ELF1: variants seen among roughly 807,000 people sequenced by gnomAD.
ELF1 encodes ETS-related transcription factor Elf-1.
ELF1 carries 24 observed loss-of-function variants against 59.9 expected under a neutral mutation model. The observed-to-expected ratio is 0.40, with a 90% CI of 0.29 to 0.56. The LOEUF (loss-of-function observed/expected upper bound fraction) is 0.56. ELF1 is among the 20% of genes least tolerant of loss of function. The pLI is 0.44. For missense variants in ELF1, 627 were observed against 742.2 expected (o/e 0.84, Z 1.80); for synonymous variants, 248 against 266.2 (o/e 0.93, Z 0.67).
At chr13:41,028,063 C>A (rs1302906393) in intron 1 of ELF1, among the ~76,000 whole-genome samples, 1 of 152,132 alleles carries the variant, frequency 6.6e-6, no homozygotes, top group East Asian at 1.9e-4. Context: ...TACCCACAAG[C>A]AAAATTTTTA....
intron 1 of ELF1, among the ~76,000 whole-genome samples, chr13:41,037,367 T>C (rs1876423432): frequency 6.6e-6 from 1 of 152,166 alleles, no homozygotes; most frequent in South Asian, 2.1e-4. Flanking sequence ...ATACATTTGG[T>C]CAAAAATTAC....
intron 2 of ELF1, among the ~76,000 whole-genome samples, chr13:40,959,382 G>A (rs978954786): frequency 6.6e-6 from 1 of 152,098 alleles, no homozygotes; most frequent in Non-Finnish European, 1.5e-5. Context: ...TGTAGTCTCA[G>A]CTACTAGGGA....
intron 1 of ELF1, among the ~76,000 whole-genome samples, chr13:41,037,358 T>C (rs1011224858): frequency 2.6e-5 from 4 of 152,198 alleles, no homozygotes; most frequent in South Asian, 4.1e-4. Context: ...CTGTGATACA[T>C]ACATTTGGTC....
At chr13:41,037,379 A>G (rs1482460208) in intron 1 of ELF1, among the ~76,000 whole-genome samples, 1 of 152,212 alleles carries the variant, frequency 6.6e-6, no homozygotes, top group Admixed American at 6.5e-5. Context: ...AAAAATTACA[A>G]CTTGCCTGTG....
At chr13:41,040,662 T>C (rs1876569568) in intron 1 of ELF1, among the ~76,000 whole-genome samples, 1 of 152,182 alleles carries the variant, frequency 6.6e-6, no homozygotes, top group Admixed American at 6.5e-5. Context: ...GAGAATCTAA[T>C]GCTGCTGCTG....
At position 40,949,841 on chromosome 13, in the gene ELF1, C is replaced by T. The variant is rs777331703; in HGVS notation, c.494G>A (p.Gly165Glu). Residue 165 changes from glycine to glutamate, a missense_variant, in exon 5 of 9, where the codon GGA becomes GAA. Transcript: ENST00000239882. Reference protein sequence around the residue: ...QVQEKYADSPGASSPEQPKRK... With the variant: ...QVQEKYADSPEASSPEQPKRK... ...CTTAGGCTGTTCTGGTGATGAGGCT[C>T]CCGGTGAGTCTGCATATTTTTCTTG... The T allele has an allele frequency of 5.0e-6, 8 of 1,614,112 alleles. No homozygotes were observed. Among genetic ancestry groups the T allele is most frequent in the East Asian group, 2.2e-5 (1 of 44,888 alleles).
intron 1 of ELF1, among the ~76,000 whole-genome samples, chr13:41,041,938 A>G (rs535396282): frequency 1.8e-3 from 270 of 152,378 alleles, no homozygotes; most frequent in African/African-American, 6.1e-3. Flanking sequence ...TGGGAAGGTC[A>G]TATTTGTATT....
chr13:40,944,586 C>T lies in ELF1; in HGVS notation c.530-661G>A, dbSNP rs557235863. Reference sequence around the variant, plus strand: ...ACCATCAATGTCTAAATAAGTCCATCCCAATAGCCTCAGAGTGGGGTCGAT... The same window carrying T: ...ACCATCAATGTCTAAATAAGTCCATTCCAATAGCCTCAGAGTGGGGTCGAT... On this transcript the variant is annotated intron_variant, in intron 5 of 8. Coordinates refer to ENST00000239882, the MANE Select transcript of ELF1 (RefSeq NM_172373.4). 4.6e-5 allele frequency among the ~76,000 whole-genome samples: 7 copies of T among 152,326 alleles called. 1 individual carries two copies. In the South Asian group the frequency reaches 1.4e-3, roughly 32 times the overall value.
chr13:41,051,396 G>A (rs1175629024), intron 1 of ELF1, among the ~76,000 whole-genome samples: 2 of 151,834 alleles, frequency 1.3e-5, no homozygotes, highest in African/African-American at 2.4e-5. Flanking sequence ...TTTGCCTGTG[G>A]CTGTACCCTT....
chr13:41,011,125 T>C (rs143823796), intron 1 of ELF1, among the ~76,000 whole-genome samples: 1 of 152,332 alleles, frequency 6.6e-6, no homozygotes, highest in East Asian at 1.9e-4. Context: ...ACACTGAATA[T>C]ACCAGTAAAT....
intron 1 of ELF1, among the ~76,000 whole-genome samples, chr13:40,987,599 A>AG (rs1442985008): frequency 2.1e-4 from 29 of 137,574 alleles, no homozygotes; most frequent in Non-Finnish European, 3.7e-4. Flanking sequence ...AAAAAAAAAA[A>AG]AAAAAGAAAG....
At chr13:40,986,072 T>C (rs757279331) in intron 1 of ELF1, among the ~76,000 whole-genome samples, 2 of 152,228 alleles carry the variant, frequency 1.3e-5, no homozygotes, top group Non-Finnish European at 2.9e-5. Context: ...GACCATATTC[T>C]TATTCTCCAA....
chr13:41,028,331 G>A (rs1161632737), intron 1 of ELF1, among the ~76,000 whole-genome samples: 1 of 152,178 alleles, frequency 6.6e-6, no homozygotes, highest in Non-Finnish European at 1.5e-5. Context: ...ATCCCTTGGG[G>A]CATCTCTTTG....
chr13:40,964,380 G>C (rs1872045470), intron 2 of ELF1, among the ~76,000 whole-genome samples: 1 of 152,176 alleles, frequency 6.6e-6, no homozygotes. Flanking sequence ...CTGAAATCAA[G>C]GTGTTGGCAG....
intron 2 of ELF1, among the ~76,000 whole-genome samples, chr13:40,972,325 A>C (rs1206453913): frequency 6.6e-6 from 1 of 152,232 alleles, no homozygotes; most frequent in Non-Finnish European, 1.5e-5. Context: ...ATGTCGAAAC[A>C]AATGTTAAAG....
intron 1 of ELF1, among the ~76,000 whole-genome samples, chr13:41,027,619 C>G (rs1404326780): frequency 6.6e-6 from 1 of 152,250 alleles, no homozygotes; most frequent in Non-Finnish European, 1.5e-5. Flanking sequence ...TTTGTTCTTA[C>G]TGCAATAGAC....
intron 1 of ELF1, among the ~76,000 whole-genome samples, chr13:41,047,544 T>C (rs933592051): frequency 6.6e-6 from 1 of 152,224 alleles, no homozygotes; most frequent in Non-Finnish European, 1.5e-5. Flanking sequence ...TGGAGGTCCA[T>C]TCCAGACCCT....
At chr13:41,018,298 A>C (rs185323929) in intron 1 of ELF1, among the ~76,000 whole-genome samples, 2 of 152,192 alleles carry the variant, frequency 1.3e-5, no homozygotes, top group Non-Finnish European at 2.9e-5. Flanking sequence ...CCAAAATCTC[A>C]TAACTACAAT....
chr13:40,954,596 C>T (rs1871094228), intron 3 of ELF1, among the ~76,000 whole-genome samples: 2 of 152,094 alleles, frequency 1.3e-5, no homozygotes, highest in Non-Finnish European at 2.9e-5. Flanking sequence ...TGCAGGCGCG[C>T]GCCGCCACGC....
Sources: gnomAD v4.1 joint callset for allele counts (sites outside exome capture counted in the v4.1 genomes callset) on GRCh38, gnomAD v4.1.1 for gene constraint, MANE v1.5 for transcripts, NCBI Gene and HGNC (gene_info 2026-07-23, HGNC 2026-07-21) for gene names.